The following KLHL15 variants were observed in gnomAD, a reference collection of about 807,000 sequenced individuals.
The protein encoded by KLHL15 is kelch-like protein 15.
A neutral mutation model predicts 29.3 loss-of-function variants in KLHL15; 1 was observed. The ratio of observed to expected loss-of-function variants is 0.03; its 90% CI spans 0.01 to 0.16. The LOEUF (loss-of-function observed/expected upper bound fraction) is 0.16, where lower values mean the gene tolerates loss of function less well. Among genes scored for constraint, KLHL15 ranks in the 10% least tolerant of loss-of-function variants. The pLI, the probability that KLHL15 is intolerant of heterozygous loss-of-function variation, is 1.00. For missense variants in KLHL15, 215 were observed against 478.5 expected, an observed-to-expected ratio of 0.45 and a Z score of 5.14; for synonymous variants, 212 against 184.5, an observed-to-expected ratio of 1.15 and a Z score of -1.21.
intron 2 of KLHL15, among the ~76,000 whole-genome samples, chrX:24,014,729 G>A (rs1929642069): frequency 8.9e-6 from 1 of 111,928 alleles, no homozygotes; most frequent in Non-Finnish European, 1.9e-5. Context: ...CCTGCTGAGA[G>A]GGATTCCTAG....
At position 23,986,512 on chromosome X, in the gene KLHL15, A is replaced by G. The variant is rs1928988615; in HGVS notation, c.*1409T>C. ...TTATTCTTGCTTAACTTTGTCAACTATGTTTTTTCCTCTGCATTTAAAGAG... is the reference window on the plus strand; with the variant it reads ...TTATTCTTGCTTAACTTTGTCAACTGTGTTTTTTCCTCTGCATTTAAAGAG... On this transcript the variant is annotated 3_prime_UTR_variant, in exon 4 of 4. Transcript: ENST00000328046. The G allele has an allele frequency of 8.9e-6, 1 of 111,836 alleles. No homozygotes were observed. Among genetic ancestry groups the G allele is most frequent in the African/African-American group, 3.2e-5 (1 of 30,854 alleles). 9.2% of individuals were successfully genotyped at this position (111,836 alleles called of 1,213,427 possible). A position where few individuals can be genotyped will look rare whatever the true frequency, so the allele number is the denominator to read the frequency against.
intron 3 of KLHL15, among the ~76,000 whole-genome samples, chrX:23,996,595 A>T (rs1036440512): frequency 4.5e-5 from 5 of 111,385 alleles, no homozygotes; most frequent in Non-Finnish European, 9.4e-5. Context: ...CCCGGGAGGC[A>T]GAGGTTGCAG....
In KLHL15 at chrX:23,987,778, T is replaced by C. The variant is rs1320626391; in HGVS notation, c.*143A>G. On this transcript the variant is annotated 3_prime_UTR_variant, in exon 4 of 4. Transcript: ENST00000328046. Reference sequence around the variant, plus strand: ...GCCACTGAAAAGAAAAAAAGGATGCTAGCACAGAATGAAAAATTCTTACAA... The same window carrying C: ...GCCACTGAAAAGAAAAAAAGGATGCCAGCACAGAATGAAAAATTCTTACAA... 1.6e-5 allele frequency: 9 copies of C among 545,473 alleles called. No individual in the cohort carries two copies. Among genetic ancestry groups the C allele is most frequent in the Non-Finnish European group, 2.6e-5 (9 of 346,071 alleles). The allele number at this position is 545,473 out of a possible 1,213,427, so 45.0% of individuals were successfully genotyped here.
chrX:23,991,758 G>A (rs1929092796), intron 3 of KLHL15, among the ~76,000 whole-genome samples: 1 of 111,738 alleles, frequency 8.9e-6, no homozygotes, highest in Non-Finnish European at 1.9e-5. Flanking sequence ...AGAATCACTT[G>A]AACCTGGGAG....
chrX:24,025,282 G>A (rs1019034191), intron 1 of KLHL15, among the ~76,000 whole-genome samples: 14 of 109,735 alleles, frequency 1.3e-4, no homozygotes, highest in Non-Finnish European at 2.3e-4. Context: ...CGGCGTCTCT[G>A]GGCTTCTGCC....
chrX:24,004,548 T>G (rs1245942817), intron 3 of KLHL15, among the ~76,000 whole-genome samples: 1 of 111,438 alleles, frequency 9.0e-6, no homozygotes, highest in Non-Finnish European at 1.9e-5. Flanking sequence ...ATCCCAGCAC[T>G]TTGGGAGGCC....
At chrX:23,996,689 C>G (rs1212465950) in intron 3 of KLHL15, among the ~76,000 whole-genome samples, 1 of 111,521 alleles carries the variant, frequency 9.0e-6, no homozygotes, top group Non-Finnish European at 1.9e-5. Context: ...CAAAAAAACC[C>G]TGTATCAGCT....
Position 23,984,623 on chromosome X carries a change from AT to A in KLHL15, c.*3297del, listed in dbSNP as rs1310355864. 1 of 112,658 alleles carries A rather than the reference AT, an allele frequency of 8.9e-6. No homozygotes were observed. The highest frequency in any genetic ancestry group is 1.9e-5 in the Non-Finnish European group (1 of 53,282). 9.3% of individuals were successfully genotyped at this position (112,658 alleles called of 1,213,427 possible). Reference sequence around the variant, plus strand: ...CTTATAAACTGAAATAACAATTTATATTATAAACTGAAATGTTATGACCTAC... The same window carrying A: ...CTTATAAACTGAAATAACAATTTATATATAAACTGAAATGTTATGACCTAC... On this transcript the variant is annotated 3_prime_UTR_variant, in exon 4 of 4. Transcript: ENST00000328046.
chrX:24,008,096 A>C (rs1235741864), intron 2 of KLHL15, among the ~76,000 whole-genome samples: 1 of 112,097 alleles, frequency 8.9e-6, no homozygotes, highest in Non-Finnish European at 1.9e-5. Context: ...CTTACTTTGA[A>C]AAACAATAAT....
At chrX:24,012,000 T>G (rs1454712061) in intron 2 of KLHL15, among the ~76,000 whole-genome samples, 1 of 110,515 alleles carries the variant, frequency 9.0e-6, no homozygotes, top group Non-Finnish European at 1.9e-5. Flanking sequence ...AATACAAAAA[T>G]TAGCTGGGTG....
At chrX:23,997,893 C>G (rs1472999747) in intron 3 of KLHL15, among the ~76,000 whole-genome samples, 4 of 109,051 alleles carry the variant, frequency 3.7e-5, no homozygotes, top group Non-Finnish European at 7.6e-5. Context: ...GAGTTGAGAC[C>G]AGCCAAGACA....
rs201695883 is a variant in KLHL15, at chrX:23,988,043, G to T, written c.1693C>A (p.Pro565Thr). 6.6e-6 allele frequency: 8 copies of T among 1,210,956 alleles called. No individual in the cohort carries two copies. Among genetic ancestry groups the T allele is most frequent in the Non-Finnish European group, 8.9e-6 (8 of 895,208 alleles). Reference sequence around the variant, plus strand: ...TCTTCCTTCCACTTGTTTTCATCCGGATCAAAAGTGAGGATGGAATCGCTG... The same window carrying T: ...TCTTCCTTCCACTTGTTTTCATCCGTATCAAAAGTGAGGATGGAATCGCTG... ...HYSDSILTFD[P>T]DENKWKEDEY... The change falls in exon 4 of 4, where the codon CCG (proline) becomes ACG (threonine). Residue 565 changes from proline to threonine, a missense_variant. Physicochemically the swap from Pro to Thr is conservative, Grantham distance 38 (BLOSUM62 -1). Coordinates refer to ENST00000328046, the MANE Select transcript of KLHL15 (RefSeq NM_030624.3).
At chrX:23,994,732 T>C (rs995472805) in intron 3 of KLHL15, among the ~76,000 whole-genome samples, 7 of 112,450 alleles carry the variant, frequency 6.2e-5, no homozygotes, top group African/African-American at 2.3e-4. Context: ...CTACTTTTCT[T>C]GCTTTGATAC....
At chrX:24,001,972 A>C (rs1280231155) in intron 3 of KLHL15, among the ~76,000 whole-genome samples, 2 of 107,006 alleles carry the variant, frequency 1.9e-5, no homozygotes, top group Non-Finnish European at 3.8e-5. Context: ...TCTCTACTAA[A>C]AATACAAAAA....
At position 23,988,653 on chromosome X, in the gene KLHL15, C is replaced by A. The variant is rs1173796323; in HGVS notation, c.1083G>T (p.Gln361His). 1 of 1,209,824 alleles carries A rather than the reference C, an allele frequency of 8.3e-7. No individual in the cohort carries two copies. The highest frequency in any genetic ancestry group is 3.0e-5 in the East Asian group (1 of 33,787). ...RYDPRQNSWL[Q>H]MADMSVPRSE... ...AGCGTGGTACAGACATATCTGCCAT[C>A]TGCAGCCAGGAGTTCTGTCTCGGGT... The change falls in exon 4 of 4, where the codon CAG (glutamine) becomes CAT (histidine). Residue 361 changes from glutamine (Q) to histidine (H), a missense_variant. Coordinates refer to ENST00000328046, the MANE Select transcript of KLHL15 (RefSeq NM_030624.3).
Position 24,025,019 on chromosome X carries a change from G to A in KLHL15, c.-170C>T, listed in dbSNP as rs1053323829. On this transcript the variant is annotated 5_prime_UTR_variant, in exon 2 of 4. Coordinates refer to ENST00000328046, the MANE Select transcript of KLHL15 (RefSeq NM_030624.3). ...GGCACGAGCCGGGTCGCTCCGGCGG[G>A]GCACGAGAGTGCTCGCCTGCAGCCC... 4.0e-5 allele frequency: 12 copies of A among 296,969 alleles called. No homozygotes were observed. The highest frequency in any genetic ancestry group is 5.4e-5 in the African/African-American group (2 of 36,952). 24.5% of individuals were successfully genotyped at this position (296,969 alleles called of 1,213,427 possible). A position where few individuals can be genotyped will look rare whatever the true frequency, so the allele number is the denominator to read the frequency against.
rs377568790 is a variant in KLHL15 at position 23,991,580 on chromosome X, G to A, written c.706-2550C>T. On this transcript the variant is annotated intron_variant, in intron 3 of 3. Coordinates refer to ENST00000328046, the MANE Select transcript of KLHL15 (RefSeq NM_030624.3). ...AACCAGGCTGGGCGCGGTGGCTCAT[G>A]CCTGTGATCCCAGCACTTTGACAGG... Among the ~76,000 whole-genome samples the A allele has an allele frequency of 8.1e-5, 9 of 111,792 alleles. No homozygotes were observed. In the South Asian group the frequency reaches 3.0e-3, roughly 37 times the overall value.
At chrX:24,017,551 T>C (rs1929713138) in intron 2 of KLHL15, among the ~76,000 whole-genome samples, 1 of 109,499 alleles carries the variant, frequency 9.1e-6, no homozygotes, top group Non-Finnish European at 1.9e-5. Context: ...GAGGCCGAGA[T>C]GGGCATATCG....
At chrX:24,013,358 G>T (rs1929612033) in intron 2 of KLHL15, among the ~76,000 whole-genome samples, 2 of 111,095 alleles carry the variant, frequency 1.8e-5, no homozygotes, top group South Asian at 7.6e-4. Flanking sequence ...CACCTTCTGG[G>T]TTCAAGTGAT....
Sources: gnomAD v4.1 joint callset for allele counts (sites outside exome capture counted in the v4.1 genomes callset) on GRCh38, gnomAD v4.1.1 for gene constraint, MANE v1.5 for transcripts, NCBI Gene and HGNC (gene_info 2026-07-23, HGNC 2026-07-21) for gene names.